The following SANBR variants were observed in gnomAD, a reference collection of about 807,000 sequenced individuals.
SANBR encodes SANT and BTB domain regulator of CSR, also known as SANT and BTB domain regulator of class switch recombination.
A neutral mutation model predicts 101.8 loss-of-function variants in SANBR; 77 were observed. The ratio of observed to expected loss-of-function variants is 0.76; its 90% CI spans 0.63 to 0.91. The LOEUF is 0.91. Ranked by LOEUF, SANBR falls within the 40% of genes least tolerant of loss-of-function variation. SANBR has a pLI of 0.00. For missense variants in SANBR, 875 were observed against 853.0 expected, an observed-to-expected ratio of 1.03 and a Z score of -0.32; for synonymous variants, 279 against 274.7, an observed-to-expected ratio of 1.02 and a Z score of -0.15.
chr2:61,076,543 G>T (rs145984573), intron 5 of SANBR, among the ~76,000 whole-genome samples: 1,508 of 149,890 alleles, frequency 0.01, 32 homozygotes, highest in African/African-American at 0.035. Context: ...CAGGAGAATG[G>T]CATGAACCCG....
At chr2:61,116,268 T>C (rs575331709) in intron 17 of SANBR, among the ~76,000 whole-genome samples, 198 bp downstream of exon 17, 1 of 152,326 alleles carries the variant, frequency 6.6e-6, no homozygotes, top group South Asian at 2.1e-4. Flanking sequence ...TATAGTGGTA[T>C]AGTATGCTAC....
chr2:61,071,259 A>T (rs956057452), intron 3 of SANBR, among the ~76,000 whole-genome samples: 5 of 152,218 alleles, frequency 3.3e-5, no homozygotes, highest in African/African-American at 1.2e-4. Context: ...TATTTAAAAA[A>T]TTCCCAAACC....
chr2:61,074,998 G>A (rs1311189174), intron 5 of SANBR: 2 of 149,180 alleles, frequency 1.3e-5, no homozygotes, highest in African/African-American at 5.0e-5. Flanking sequence ...TGGTCTCACT[G>A]TGTTGCCCAG....
Position 61,090,965 on chromosome 2 carries a change from A to G in SANBR, c.1089-1499A>G, listed in dbSNP as rs545024647. Among the ~76,000 whole-genome samples, 11 of 149,720 alleles carry G rather than the reference A, an allele frequency of 7.3e-5. 1 individual carries two copies. The East Asian group carries it at 2.0e-3, about 27-fold the overall frequency. On this transcript the variant is annotated intron_variant, in intron 10 of 21. Transcript: ENST00000402291. ...ACTCTGTCACCCAGGCTGGAGTGCA[A>G]TGGCACAATCTTGGATCACTGCAGC...
At chr2:61,124,303 C>G (rs62151035), downstream of SANBR, 176 of 935,994 alleles carry the variant, frequency 1.9e-4, no homozygotes, top group Non-Finnish European at 2.2e-4. Context: ...GTCTCTTTAT[C>G]TGAATTATTC....
At chr2:61,066,229 C>G (rs1325225440) in intron 1 of SANBR, 1 of 152,940 alleles carries the variant, frequency 6.5e-6, no homozygotes, top group Non-Finnish European at 1.5e-5. Flanking sequence ...CGTCCCGTCA[C>G]CCGCCCGGTC....
chr2:61,104,006 G>A lies in SANBR; in HGVS notation c.1511+8G>A, dbSNP rs755567924. The stretch of plus-strand genomic sequence containing the variant: ...TTCAAAAGATACAGTTAGGTGAGGG[G>A]TGGAAAAACCCAACACTGTATTATA... On this transcript the variant is annotated splice_region_variant and intron_variant, in intron 13 of 21. Coordinates refer to ENST00000402291, the MANE Select transcript of SANBR (RefSeq NM_001129993.3). 1.2e-6 allele frequency: 2 copies of A among 1,613,256 alleles called. No homozygotes were observed. Among genetic ancestry groups the A allele is most frequent in the African/African-American group, 1.3e-5 (1 of 75,022 alleles).
rs1408868274 is a variant in SANBR at position 61,121,992 on chromosome 2, T to C, written c.2121-134T>C. 8.2e-6 allele frequency: 10 copies of C among 1,213,152 alleles called. No homozygotes were observed. In the East Asian group the frequency reaches 2.3e-4, roughly 28 times the overall value. 75.1% of individuals were successfully genotyped at this position (1,213,152 alleles called of 1,614,324 possible). ...AAAATACATCTCCTGTTAAGAGTTT[T>C]AGAAAATGGATTACGGAGCTGCAAG... On this transcript the variant is annotated intron_variant, in intron 21 of 21. Coordinates refer to ENST00000402291, the MANE Select transcript of SANBR (RefSeq NM_001129993.3).
intron 16 of SANBR, among the ~76,000 whole-genome samples, chr2:61,110,166 C>G (rs1683761933): frequency 6.6e-6 from 1 of 152,166 alleles, no homozygotes; most frequent in Non-Finnish European, 1.5e-5. Flanking sequence ...TGGCTTCTTT[C>G]TCTTAGTATA....
chr2:61,114,124 T>C (rs1683962885), intron 16 of SANBR, among the ~76,000 whole-genome samples: 1 of 152,160 alleles, frequency 6.6e-6, no homozygotes, highest in Non-Finnish European at 1.5e-5. Context: ...AGGAGTCTGA[T>C]CCACAGATCC....
At chr2:61,088,113 T>G (rs370020549) in intron 8 of SANBR, 46 bp from the exon 9 acceptor site, 1 of 1,038,364 alleles carries the variant, frequency 9.6e-7, no homozygotes, top group Non-Finnish European at 1.5e-6. Context: ...TTCATCACTA[T>G]AAAGTAGTGT....
chr2:61,130,677 G>C (rs1430696006), intron 20 of SANBR, among the ~76,000 whole-genome samples: 2 of 151,358 alleles, frequency 1.3e-5, no homozygotes, highest in African/African-American at 2.4e-5. Context: ...AGCTGGGCGT[G>C]GTGGCTCACG....
chr2:61,083,247 C>T lies in SANBR; in HGVS notation c.823C>T (p.Arg275Cys), dbSNP rs140620846. 1,287 of 1,609,538 alleles carry T rather than the reference C, an allele frequency of 8.0e-4. 6 individuals are homozygous for T. The highest frequency in any genetic ancestry group is 6.8e-3 in the South Asian group (616 of 90,948). Residue 275 changes from arginine to cysteine, a missense_variant, in exon 8 of 22, where the codon CGT becomes TGT. By Grantham distance (180) the Arg-to-Cys change is radical. Transcript: ENST00000402291. Reference protein sequence around the residue: ...MNCINANLLTRIADLFSHNEV... With the variant: ...MNCINANLLTCIADLFSHNEV... ...CTGTATTAATGCAAATCTTCTCACA[C>T]GTATAGCTGATCTGTTCTCACACAA...
intron 16 of SANBR, among the ~76,000 whole-genome samples, chr2:61,114,321 C>T (rs935233127): frequency 6.6e-6 from 1 of 152,178 alleles, no homozygotes; most frequent in Non-Finnish European, 1.5e-5. Context: ...AAGTAAATGC[C>T]ACTAGAATGT....
chr2:61,112,122 C>G (rs1158165861), intron 16 of SANBR, among the ~76,000 whole-genome samples: 1 of 152,070 alleles, frequency 6.6e-6, no homozygotes, highest in African/African-American at 2.4e-5. Flanking sequence ...AAGAAACTGC[C>G]AAATTGTTTT....
intron 11 of SANBR, among the ~76,000 whole-genome samples, chr2:61,095,662 G>A (rs149806256): frequency 2.6e-5 from 4 of 151,900 alleles, no homozygotes; most frequent in African/African-American, 4.8e-5. Flanking sequence ...TCTCCTCCCC[G>A]ACAGGACCCT....
intron 14 of SANBR, among the ~76,000 whole-genome samples, chr2:61,107,003 A>G (rs1019063732): frequency 2.0e-5 from 3 of 152,060 alleles, no homozygotes; most frequent in Non-Finnish European, 4.4e-5. Flanking sequence ...CATCTCTACA[A>G]AAAAGGTTTA....
chr2:61,088,275 A>G, intron 9 of SANBR, 30 bp downstream of exon 9: 1 of 1,577,964 alleles, frequency 6.3e-7, no homozygotes, highest in East Asian at 2.3e-5. Context: ...TCTTTGGTGT[A>G]CTTTATAATG....
intron 15 of SANBR, among the ~76,000 whole-genome samples, chr2:61,108,973 T>A (rs1683694545): frequency 6.6e-6 from 1 of 152,192 alleles, no homozygotes; most frequent in African/African-American, 2.4e-5. Context: ...TGCCTACTAC[T>A]GTTCTAGGTT....
Sources: gnomAD v4.1 joint callset for allele counts (sites outside exome capture counted in the v4.1 genomes callset) on GRCh38, gnomAD v4.1.1 for gene constraint, MANE v1.5 for transcripts, NCBI Gene and HGNC (gene_info 2026-07-23, HGNC 2026-07-21) for gene names.